The following KLK8 variants were observed in gnomAD, a reference collection of about 807,000 sequenced individuals.
KLK8 encodes the protein kallikrein-8.
In KLK8, 18 loss-of-function variants were observed where a neutral mutation model predicts 26.7. That is an observed-to-expected ratio of 0.67 (90% CI 0.47 to 1.00). KLK8 has a LOEUF of 1.00. KLK8 is among the 50% of genes least tolerant of loss of function. KLK8 has a pLI of 0.00. For synonymous variants in KLK8, 137 were observed against 127.1 expected (o/e 1.08, Z -0.52); for missense variants, 301 against 331.7 (o/e 0.91, Z 0.72).
At chr19:51,000,843 C>A in intron 3 of KLK8, 1 of 1,006,452 alleles carries the variant, frequency 9.9e-7, no homozygotes, top group Non-Finnish European at 1.4e-6. Context: ...AATCTATGCC[C>A]CCAAGCAAGC....
At chr19:50,996,893 GACACACAC>G (rs368604260) in intron 6 of KLK8, among the ~76,000 whole-genome samples, 1,973 of 81,268 alleles carry the variant, frequency 0.024, 21 homozygotes, top group Middle Eastern at 0.034. Flanking sequence ...GATTCTTATG[GACACACAC>G]ACACACACAC....
At chr19:50,997,516 G>A (rs575740430) in intron 6 of KLK8, among the ~76,000 whole-genome samples, 105 of 152,228 alleles carry the variant, frequency 6.9e-4, no homozygotes, top group African/African-American at 2.4e-3. Context: ...GTAGTTAAGC[G>A]TTCGAAAGAA....
intron 5 of KLK8, 169 bp from the exon 5 acceptor site, chr19:50,998,053 G>C (rs2091186862): frequency 1.4e-6 from 1 of 734,716 alleles, no homozygotes; most frequent in East Asian, 2.7e-5. Flanking sequence ...CACATTAAAC[G>C]AAGCTGTACT....
intron 6 of KLK8, among the ~76,000 whole-genome samples, chr19:50,997,061 G>C (rs2091177019): frequency 6.6e-6 from 1 of 152,112 alleles, no homozygotes; most frequent in South Asian, 2.1e-4. Flanking sequence ...TTTGGCCAAT[G>C]GGGAAGAAAG....
At chr19:51,001,069 C>T in intron 3 of KLK8, 29 bp downstream of exon 2, 2 of 1,593,288 alleles carry the variant, frequency 1.3e-6, no homozygotes, top group African/African-American at 1.3e-5. Context: ...AGATCCCTCC[C>T]CTCCGGAGGC....
At position 51,001,179 on chromosome 19, in the gene KLK8, G is replaced by A; in HGVS notation, c.-8-4C>T. On this transcript the variant is annotated splice_region_variant and splice_polypyrimidine_tract_variant and intron_variant, in intron 2 of 6. Coordinates refer to ENST00000600767, the Ensembl canonical transcript of KLK8. ...CGGGGGCGTCCCATGGTGAGGTCTG[G>A]GAAATGGAGAGGGCGGGGCCGGTAA... The A allele has an allele frequency of 6.2e-7, 1 of 1,611,762 alleles. No individual in the cohort carries two copies. Among genetic ancestry groups the A allele is most frequent in the Non-Finnish European group, 8.5e-7 (1 of 1,179,236 alleles).
At chr19:50,997,088 C>G (rs946083283) in intron 6 of KLK8, among the ~76,000 whole-genome samples, 1 of 152,188 alleles carries the variant, frequency 6.6e-6, no homozygotes, top group East Asian at 1.9e-4. Context: ...ATTTAGGGAC[C>G]AGTCATTGGC....
chr19:50,997,969 G>A (rs1182049185), intron 5 of KLK8, 85 bp from the exon 5 acceptor site: 2 of 1,544,932 alleles, frequency 1.3e-6, no homozygotes, highest in Non-Finnish European at 1.8e-6. Context: ...TTTCTTTCCA[G>A]GATGTAATGG....
rs866607448 is a variant in KLK8, at chr19:51,001,087, A to G, written c.70+11T>C. 4 of 1,608,812 alleles carry G rather than the reference A, an allele frequency of 2.5e-6. No individual in the cohort carries two copies. In the South Asian group the frequency reaches 3.3e-5, roughly 13 times the overall value. ...TCCCTCCCCTCCGGAGGCCTCCGCA[A>G]CCCTCCTCACCTGCCCAGGCTCCCC... On this transcript the variant is annotated intron_variant, in intron 3 of 6. Coordinates refer to ENST00000600767, the Ensembl canonical transcript of KLK8.
intron 6 of KLK8, among the ~76,000 whole-genome samples, chr19:50,996,466 G>C (rs1436594218): frequency 6.6e-6 from 1 of 151,824 alleles, no homozygotes; most frequent in East Asian, 1.9e-4. Context: ...AGGCTTGGTG[G>C]CTCACACCTG....
exon 7 of KLK8, chr19:50,996,033 A>C: frequency 6.2e-7 from 1 of 1,611,974 alleles, no homozygotes; most frequent in East Asian, 2.2e-5. Context: ...GAGTTTATTA[A>C]GGGAGATCTA....
exon 5 of KLK8, chr19:51,000,245 G>C (rs747062903): frequency 2.5e-6 from 4 of 1,588,962 alleles, no homozygotes; most frequent in Non-Finnish European, 3.4e-6. Flanking sequence ...TCTCCCAGGC[G>C]TACTGTGTAT....
chr19:51,000,668 A>G (rs566694379), intron 3 of KLK8, 85 bp from the exon 3 acceptor site: 2 of 1,581,688 alleles, frequency 1.3e-6, no homozygotes, highest in Admixed American at 3.5e-5. Flanking sequence ...AAATGGACAC[A>G]CGGCAAGTTC....
chr19:50,997,059 A>G (rs1485472178), intron 6 of KLK8, among the ~76,000 whole-genome samples: 4 of 152,132 alleles, frequency 2.6e-5, no homozygotes. Context: ...TTTTTGGCCA[A>G]TGGGGAAGAA....
chr19:51,000,743 A>T, intron 3 of KLK8, 160 bp from the exon 3 acceptor site: 2 of 1,518,894 alleles, frequency 1.3e-6, no homozygotes, highest in Non-Finnish European at 1.8e-6. Flanking sequence ...CACTCATTTC[A>T]GTCCATGTGT....
chr19:51,001,206 C>A, intron 2 of KLK8, 31 bp from the exon 2 acceptor site: 2 of 1,589,262 alleles, frequency 1.3e-6, no homozygotes, highest in Non-Finnish European at 1.7e-6. Flanking sequence ...GGCCGGTAAA[C>A]AGGAAGGAGG....
chr19:50,996,923 C>T (rs972985547), intron 6 of KLK8, among the ~76,000 whole-genome samples: 1 of 151,312 alleles, frequency 6.6e-6, no homozygotes, highest in Admixed American at 6.6e-5. Flanking sequence ...CACACACACA[C>T]ACACACACAC....
chr19:50,999,599 AAAAAAAAAAAAAAAAAAAAAAAAAAG>A (rs2091201397), intron 5 of KLK8, among the ~76,000 whole-genome samples: 2 of 105,360 alleles, frequency 1.9e-5, no homozygotes, highest in African/African-American at 5.2e-5. Flanking sequence ...AAAAAAAAAA[AAAAAAAAAAAAAAAAAAAAAAAAAAG>A]GAGGGAGGTG....
At chr19:50,997,641 G>C in intron 6 of KLK8, 110 bp downstream of exon 5, 1 of 1,316,192 alleles carries the variant, frequency 7.6e-7, no homozygotes, top group Non-Finnish European at 1.1e-6. Context: ...AACACTCCGG[G>C]TGCCAAGTCT....
Sources: allele counts gnomAD v4.1 joint callset (sites outside exome capture counted in the v4.1 genomes callset), GRCh38; gene constraint gnomAD v4.1.1; transcripts MANE v1.5; gene names NCBI Gene and HGNC (gene_info 2026-07-23, HGNC 2026-07-21).